The following CHN2 variants were observed in gnomAD, a reference collection of about 807,000 sequenced individuals.
CHN2 encodes chimerin 2.
In CHN2, 35 loss-of-function variants were observed where a neutral mutation model predicts 56.3. That is an observed-to-expected ratio of 0.62 (90% CI 0.47 to 0.82). The LOEUF is 0.82. CHN2 is among the 40% of genes least tolerant of loss of function. CHN2 has a pLI of 0.00. For missense variants in CHN2, 491 were observed against 580.5 expected (o/e 0.85, Z 1.58); for synonymous variants, 210 against 212.8 (o/e 0.99, Z 0.12).
chr7:29,473,646 A>T (rs1282819902), intron 6 of CHN2, among the ~76,000 whole-genome samples: 2 of 151,960 alleles, frequency 1.3e-5, no homozygotes, highest in Non-Finnish European at 2.9e-5. Context: ...GCCTGATCTC[A>T]TACTGACTGA....
At chr7:29,393,145 C>T (rs925270206) in intron 3 of CHN2, among the ~76,000 whole-genome samples, 1 of 152,158 alleles carries the variant, frequency 6.6e-6, no homozygotes, top group Non-Finnish European at 1.5e-5. Flanking sequence ...GTAGCCTGCA[C>T]CTCTGGTGTC....
chr7:29,270,380 G>A (rs1790517642), intron 1 of CHN2, among the ~76,000 whole-genome samples: 3 of 151,444 alleles, frequency 2.0e-5, no homozygotes, highest in African/African-American at 7.3e-5. Flanking sequence ...TAGGTCGAAC[G>A]CAGTGGCTCA....
At chr7:29,302,858 T>C (rs1368526182) in intron 1 of CHN2, among the ~76,000 whole-genome samples, 2 of 152,374 alleles carry the variant, frequency 1.3e-5, no homozygotes, top group South Asian at 2.1e-4. Flanking sequence ...CATATGCTTT[T>C]CTTGCTTGGC....
At chr7:29,416,368 G>A (rs1803742339) in intron 6 of CHN2, among the ~76,000 whole-genome samples, 1 of 152,210 alleles carries the variant, frequency 6.6e-6, no homozygotes. Flanking sequence ...ATAGTTTAAA[G>A]GATATTGAAA....
chr7:29,181,440 T>C (rs987167110), intron 2 of CHN2: 2 of 152,198 alleles, frequency 1.3e-5, no homozygotes, highest in African/African-American at 4.8e-5. Flanking sequence ...AAGGCACATA[T>C]AGATTTATGT....
At chr7:29,210,012 C>T (rs972960815) in intron 1 of CHN2, among the ~76,000 whole-genome samples, 1 of 152,068 alleles carries the variant, frequency 6.6e-6, no homozygotes, top group Non-Finnish European at 1.5e-5. Flanking sequence ...TGTCCAGGGG[C>T]AAATTATGTT....
At chr7:29,380,591 T>C (rs1800424081) in intron 3 of CHN2, 1 of 152,182 alleles carries the variant, frequency 6.6e-6, no homozygotes, top group Admixed American at 6.5e-5. Context: ...GGGAGAAAAC[T>C]AAGAATGATA....
chr7:29,268,461 G>A (rs1488955085), intron 1 of CHN2, among the ~76,000 whole-genome samples: 1 of 152,094 alleles, frequency 6.6e-6, no homozygotes, highest in East Asian at 1.9e-4. Flanking sequence ...TAATCTCCAG[G>A]GAGATTTGAA....
At chr7:29,290,781 T>G (rs1282146106) in intron 1 of CHN2, among the ~76,000 whole-genome samples, 1 of 152,086 alleles carries the variant, frequency 6.6e-6, no homozygotes, top group Non-Finnish European at 1.5e-5. Context: ...TCTTGCCTCC[T>G]CAGAAGAAAA....
chr7:29,484,365 T>A (rs1030663920), intron 7 of CHN2, among the ~76,000 whole-genome samples: 1 of 152,226 alleles, frequency 6.6e-6, no homozygotes, highest in Non-Finnish European at 1.5e-5. Context: ...CAACACAGAT[T>A]TATTTGCTGG....
intron 1 of CHN2, among the ~76,000 whole-genome samples, chr7:29,317,516 G>C (rs1795042702): frequency 6.6e-6 from 1 of 152,198 alleles, no homozygotes; most frequent in African/African-American, 2.4e-5. Flanking sequence ...TACTGAATCA[G>C]AATCTGCATT....
At chr7:29,261,899 G>T (rs1284049718) in intron 1 of CHN2, among the ~76,000 whole-genome samples, 3 of 152,200 alleles carry the variant, frequency 2.0e-5, no homozygotes, top group Admixed American at 6.5e-5. Context: ...CAGGCGTGGT[G>T]GGTTACACCT....
At chr7:29,298,226 ACAAGAGGCTTGG>A (rs1393411883) in intron 1 of CHN2, among the ~76,000 whole-genome samples, 1 of 152,150 alleles carries the variant, frequency 6.6e-6, no homozygotes, top group Non-Finnish European at 1.5e-5. Context: ...TATTTATGAA[ACAAGAGGCTTGG>A]CTTCATCAGC....
chr7:29,398,487 G>GT lies in CHN2; in HGVS notation c.290+2dup. 1 of 1,595,766 alleles carries GT rather than the reference G, an allele frequency of 6.3e-7. No homozygotes were observed. The highest frequency in any genetic ancestry group is 1.3e-5 in the African/African-American group (1 of 74,702). On this transcript the variant is annotated splice_donor_variant, in intron 5 of 12. Transcript: ENST00000222792. LOFTEE classifies it high-confidence loss of function. ...CAGGATGCTACACGCTGGCTCTCAG[G>GT]TGAGGCGCATTTCATTCCTTGTTTT...
intron 9 of CHN2, among the ~76,000 whole-genome samples, chr7:29,501,449 C>G (rs184234634): frequency 4.7e-4 from 71 of 152,284 alleles, no homozygotes; most frequent in African/African-American, 1.6e-3. Context: ...ATCAGCCTCT[C>G]CAGAGCCTGC....
intron 1 of CHN2, among the ~76,000 whole-genome samples, chr7:29,329,370 A>G (rs1439676442): frequency 1.5e-5 from 2 of 137,584 alleles, no homozygotes; most frequent in African/African-American, 5.6e-5. Context: ...AAACCTTCAG[A>G]TAAGGCAAAA....
At chr7:29,325,869 G>GA (rs1292607131) in intron 1 of CHN2, among the ~76,000 whole-genome samples, 1 of 152,130 alleles carries the variant, frequency 6.6e-6, no homozygotes, top group African/African-American at 2.4e-5. Flanking sequence ...AGATGTAGCT[G>GA]AAAAAAACTT....
rs553459597 is a variant in CHN2, at chr7:29,202,367, T to C, written c.49+7377T>C. Among the ~76,000 whole-genome samples the C allele has an allele frequency of 5.3e-5, 8 of 152,304 alleles. No homozygotes were observed. In the East Asian group the frequency reaches 1.4e-3, roughly 26 times the overall value. On this transcript the variant is annotated intron_variant, in intron 1 of 12. Transcript: ENST00000222792. ...GTTAGCTTTTGGAATTTTCAGCACA[T>C]TTAATTGGGGGGAAATGCATGCAAA...
intron 10 of CHN2, among the ~76,000 whole-genome samples, chr7:29,506,646 A>C (rs1239318154): frequency 1.3e-5 from 2 of 152,162 alleles, no homozygotes; most frequent in African/African-American, 4.8e-5. Context: ...CACACACACA[A>C]AAAAGAATGA....
Sources: allele counts gnomAD v4.1 joint callset (sites outside exome capture counted in the v4.1 genomes callset), GRCh38; gene constraint gnomAD v4.1.1; transcripts MANE v1.5; gene names NCBI Gene and HGNC (gene_info 2026-07-23, HGNC 2026-07-21).